The following ZNF727 variants were observed in gnomAD, a reference collection of about 807,000 sequenced individuals.
ZNF727 encodes the protein putative zinc finger protein 727.
In ZNF727, 11 loss-of-function variants were observed where a neutral mutation model predicts 11.5. That is an observed-to-expected ratio of 0.95 (90% confidence interval 0.60 to 1.58). The LOEUF (loss-of-function observed/expected upper bound fraction) is 1.58, where lower values mean the gene tolerates loss of function less well. Among genes scored for constraint, ZNF727 ranks in the 40% most tolerant of loss-of-function variants. The pLI is 0.00. For synonymous variants in ZNF727, 171 were observed against 196.1 expected, an observed-to-expected ratio of 0.87 and a Z score of 1.07; for missense variants, 533 against 581.7, an observed-to-expected ratio of 0.92 and a Z score of 0.86.
At chr7:64,076,854 G>A (rs528909551) in intron 3 of ZNF727, among the ~76,000 whole-genome samples, 1 of 152,214 alleles carries the variant, frequency 6.6e-6, no homozygotes, top group African/African-American at 2.4e-5. Flanking sequence ...TTTCAACACT[G>A]TCATGGAATA....
intron 2 of ZNF727, 31 bp from the exon 3 acceptor site, chr7:64,069,483 A>T: frequency 6.7e-7 from 1 of 1,486,914 alleles, no homozygotes; most frequent in Non-Finnish European, 9.2e-7. Flanking sequence ...TATCCTAGCA[A>T]GAGTCATGTT....
intron 1 of ZNF727, among the ~76,000 whole-genome samples, chr7:64,052,783 C>T (rs1218459164): frequency 1.3e-5 from 2 of 152,200 alleles, no homozygotes; most frequent in Non-Finnish European, 2.9e-5. Context: ...AAGCTCACTT[C>T]TTGCATCAGT....
At position 64,066,610 on chromosome 7, in the gene ZNF727, A is replaced by G. The variant is rs369620590; in HGVS notation, c.4-2281A>G. On this transcript the variant is annotated intron_variant, in intron 1 of 3. Transcript: ENST00000456806. ...AACTGTCTCGCCATATGCAGAAAAC[A>G]GAAACTGGACCCCTTCCTTACACCT... Among the ~76,000 whole-genome samples the G allele has an allele frequency of 1.6e-3, 248 of 152,204 alleles. 2 individuals carry two copies. Among genetic ancestry groups the G allele is most frequent in the African/African-American group, 5.8e-3 (239 of 41,562 alleles).
intron 1 of ZNF727, among the ~76,000 whole-genome samples, chr7:64,059,375 C>T (rs1789736444): frequency 6.6e-6 from 1 of 152,116 alleles, no homozygotes. Context: ...CTTTAACCAG[C>T]CTTGTATAGA....
intron 1 of ZNF727, among the ~76,000 whole-genome samples, chr7:64,065,416 A>G (rs1256177684): frequency 6.6e-6 from 1 of 152,144 alleles, no homozygotes; most frequent in Non-Finnish European, 1.5e-5. Context: ...ACTGGTTCCA[A>G]ACCTCCCCTG....
intron 1 of ZNF727, among the ~76,000 whole-genome samples, chr7:64,067,379 G>A (rs2118859): frequency 0.65 from 98,712 of 151,934 alleles, 32,479 homozygotes; most frequent in Admixed American, 0.72. Flanking sequence ...CAGCAATCCC[G>A]TAACTGGGTA....
intron 3 of ZNF727, among the ~76,000 whole-genome samples, chr7:64,071,749 T>C (rs554665261): frequency 1.3e-5 from 2 of 152,238 alleles, no homozygotes; most frequent in Admixed American, 1.3e-4. Flanking sequence ...TTATATTTAG[T>C]TAATTTTAAA....
chr7:64,066,502 T>C (rs561688537), intron 1 of ZNF727, among the ~76,000 whole-genome samples: 1 of 152,108 alleles, frequency 6.6e-6, no homozygotes, highest in South Asian at 2.1e-4. Context: ...ATACCGCATA[T>C]CTGCAGCCAT....
intron 1 of ZNF727, among the ~76,000 whole-genome samples, chr7:64,064,249 C>A (rs1789827822): frequency 6.6e-6 from 1 of 152,130 alleles, no homozygotes; most frequent in South Asian, 2.1e-4. Context: ...GGCCTCAACC[C>A]CCAAGGGCTG....
In ZNF727 at chr7:64,077,498, G is replaced by A; in HGVS notation, c.449G>A (p.Cys150Tyr). 1 of 1,551,608 alleles carries A rather than the reference G, an allele frequency of 6.4e-7. No homozygotes were observed. Among genetic ancestry groups the A allele is most frequent in the Admixed American group, 2.0e-5 (1 of 50,988 alleles). Residue 150 changes from cysteine (C) to tyrosine (Y), a missense_variant, in exon 4 of 4, where the codon TGT becomes TAT. This residue lies in a region of ZNF727 where 463 missense variants were observed against 494.5 expected (regional missense o/e 0.94). Transcript: ENST00000456806. ...AGCAAAACCTGTCAATATAATAAAT[G>A]TGGCAAAGCTTTTGGGTTGTGCTCA... ...TRSKTCQYNK[C>Y]GKAFGLCSIF...
chr7:64,049,211 CAAGAT>C (rs1789554723), intron 1 of ZNF727, among the ~76,000 whole-genome samples: 1 of 151,992 alleles, frequency 6.6e-6, no homozygotes, highest in South Asian at 2.1e-4. Flanking sequence ...GCTGACCATA[CAAGAT>C]AAGATTTCTA....
At position 64,058,413 on chromosome 7, in the gene ZNF727, G is replaced by C. The variant is rs1789719108; in HGVS notation, c.4-10478G>C. On this transcript the variant is annotated intron_variant, in intron 1 of 3. Coordinates refer to ENST00000456806, the MANE Select transcript of ZNF727 (RefSeq NM_001159522.3). ...CAACCCTCTTAGGACTAATCTCCAT[G>C]CTCACAAATTGCATCTACATTTTCT... is the stretch of plus-strand genomic sequence containing the variant. Among the ~76,000 whole-genome samples the C allele has an allele frequency of 4.6e-5, 7 of 152,094 alleles. No individual in the cohort carries two copies. The South Asian group carries it at 1.5e-3, about 32-fold the overall frequency.
chr7:64,046,167 G>C (rs1474695858), intron 1 of ZNF727, among the ~76,000 whole-genome samples: 4 of 152,034 alleles, frequency 2.6e-5, no homozygotes, highest in Non-Finnish European at 5.9e-5. Context: ...GGAGACATGC[G>C]CCGCCACCTC....
In ZNF727 at chr7:64,045,474, A is replaced by T; in HGVS notation, c.-148A>T. 8.9e-7 allele frequency: 1 copy of T among 1,125,190 alleles called. No homozygotes were observed. Among genetic ancestry groups the T allele is most frequent in the Non-Finnish European group, 1.3e-6 (1 of 760,376 alleles). The allele number at this position is 1,125,190 out of a possible 1,614,324, so 69.7% of individuals were successfully genotyped here. ...GCAAGGCCTTCGTCTCCTAGCTTCT[A>T]GGCTCTGAGTCCAGTACCCGTCTGT... On this transcript the variant is annotated 5_prime_UTR_variant, in exon 1 of 4. It removes the in-frame stop codon of an upstream open reading frame in the 5' UTR. Coordinates refer to ENST00000456806, the MANE Select transcript of ZNF727 (RefSeq NM_001159522.3).
At chr7:64,071,938 C>T (rs554063454) in intron 3 of ZNF727, among the ~76,000 whole-genome samples, 35 of 152,072 alleles carry the variant, frequency 2.3e-4, no homozygotes, top group South Asian at 1.2e-3. Context: ...CCACTGATAT[C>T]GGTGTGCATT....
chr7:64,077,954 A>C lies in ZNF727; in HGVS notation c.905A>C (p.His302Pro). Reference protein sequence around the residue: ...AFRCCSDLTKHKRIHTGEKPY... With the variant: ...AFRCCSDLTKPKRIHTGEKPY... ...AGGTGTTGCTCAGACCTTACTAAAC[A>C]TAAGAGAATTCATACTGGAGAGAAA... Residue 302 changes from histidine to proline, a missense_variant, in exon 4 of 4, where the codon CAT (histidine) becomes CCT (proline). Physicochemically the swap from His to Pro is moderately conservative, Grantham distance 77 (BLOSUM62 -2). This residue lies in a region of ZNF727 where 463 missense variants were observed against 494.5 expected (regional missense o/e 0.94). Transcript: ENST00000456806. The C allele has an allele frequency of 3.1e-6, 5 of 1,592,396 alleles. No individual in the cohort carries two copies. The highest frequency in any genetic ancestry group is 2.6e-6 in the Non-Finnish European group (3 of 1,168,772).
At chr7:64,047,852 C>T (rs1252720217) in intron 1 of ZNF727, among the ~76,000 whole-genome samples, 1 of 152,236 alleles carries the variant, frequency 6.6e-6, no homozygotes, top group African/African-American at 2.4e-5. Flanking sequence ...ATCTTGCCCT[C>T]TGGTTTCTCT....
chr7:64,062,205 T>C (rs2116295658), intron 1 of ZNF727, among the ~76,000 whole-genome samples: 1 of 152,180 alleles, frequency 6.6e-6, no homozygotes, highest in South Asian at 2.1e-4. Context: ...CTTCTCAAAA[T>C]ATGAATAGTT....
In ZNF727 at chr7:64,051,999, A is replaced by G. The variant is rs146048523; in HGVS notation, c.3+6375A>G. 5.3e-5 allele frequency among the ~76,000 whole-genome samples: 8 copies of G among 152,298 alleles called. No homozygotes were observed. The East Asian group carries it at 1.5e-3, about 29-fold the overall frequency. On this transcript the variant is annotated intron_variant, in intron 1 of 3. Coordinates refer to ENST00000456806, the MANE Select transcript of ZNF727 (RefSeq NM_001159522.3). ...ATTTGCAAGGTGAAGCTCCATAGGT[A>G]TTATACATAAGTTCAGCTTATGTTT... is the stretch of plus-strand genomic sequence containing the variant.
Sources: allele counts gnomAD v4.1 joint callset (sites outside exome capture counted in the v4.1 genomes callset), GRCh38; gene constraint gnomAD v4.1.1; regional missense constraint gnomAD v4.1.1; transcripts MANE v1.5; gene names NCBI Gene and HGNC (gene_info 2026-07-23, HGNC 2026-07-21).